The following PALM2AKAP2 variants were observed in gnomAD, a reference collection of about 807,000 sequenced individuals.
The protein encoded by PALM2AKAP2 is PALM2 and AKAP2 fusion, also known as PALM2-AKAP2 fusion protein.
Under a neutral mutation model 71.5 loss-of-function variants are expected in PALM2AKAP2, and 37 were observed. That is an observed-to-expected ratio of 0.52 (90% CI 0.40 to 0.68). PALM2AKAP2 has a LOEUF of 0.68. Ranked by LOEUF, PALM2AKAP2 falls within the 30% of genes least tolerant of loss-of-function variation. The pLI is 0.00. For synonymous variants in PALM2AKAP2, 468 were observed against 478.8 expected, an observed-to-expected ratio of 0.98 and a Z score of 0.29; for missense variants, 1,224 against 1,191.8, an observed-to-expected ratio of 1.03 and a Z score of -0.40.
chr9:110,125,726 C>A (rs1449041523), intron 1 of PALM2AKAP2: 2 of 444,248 alleles, frequency 4.5e-6, no homozygotes, highest in African/African-American at 2.2e-5. Context: ...GGAGTCCTTT[C>A]TTGCTGGAGA....
chr9:109,919,008 T>C (rs796241088), intron 3 of PALM2AKAP2, among the ~76,000 whole-genome samples: 2 of 152,306 alleles, frequency 1.3e-5, no homozygotes, highest in African/African-American at 4.8e-5. Context: ...GGGCACCCCG[T>C]GGAGACAGGC....
At chr9:109,888,850 T>C (rs1250782853) in intron 3 of PALM2AKAP2, among the ~76,000 whole-genome samples, 1 of 152,182 alleles carries the variant, frequency 6.6e-6, no homozygotes, top group Non-Finnish European at 1.5e-5. Flanking sequence ...GTCTTGAGTA[T>C]TGCAAGATGT....
intron 1 of PALM2AKAP2, among the ~76,000 whole-genome samples, chr9:109,730,757 G>A (rs1334785110): frequency 6.6e-6 from 1 of 152,120 alleles, no homozygotes; most frequent in Non-Finnish European, 1.5e-5. Flanking sequence ...CAGGCCAATG[G>A]GATGTGTTGC....
At chr9:109,769,660 G>T (rs749470087) in intron 1 of PALM2AKAP2, among the ~76,000 whole-genome samples, 2 of 152,210 alleles carry the variant, frequency 1.3e-5, no homozygotes, top group Non-Finnish European at 2.9e-5. Flanking sequence ...AATATTGGAG[G>T]ATATTTGTGA....
intron 1 of PALM2AKAP2, among the ~76,000 whole-genome samples, chr9:109,652,117 G>GT (rs1478063439): frequency 6.6e-6 from 1 of 152,172 alleles, no homozygotes; most frequent in Non-Finnish European, 1.5e-5. Flanking sequence ...ATGAAAATGT[G>GT]TGTTTCACAA....
At chr9:109,682,927 G>T (rs556791073) in intron 1 of PALM2AKAP2, among the ~76,000 whole-genome samples, 1 of 152,164 alleles carries the variant, frequency 6.6e-6, no homozygotes, top group South Asian at 2.1e-4. Flanking sequence ...GGTAATTATT[G>T]TAATCCCCAA....
At chr9:109,716,258 T>C (rs1354499873) in intron 1 of PALM2AKAP2, among the ~76,000 whole-genome samples, 1 of 152,206 alleles carries the variant, frequency 6.6e-6, no homozygotes, top group Non-Finnish European at 1.5e-5. Context: ...TATAATATTA[T>C]TGAGGGTCAA....
intron 1 of PALM2AKAP2, among the ~76,000 whole-genome samples, chr9:109,721,998 A>C (rs777349248): frequency 7.2e-5 from 11 of 152,218 alleles, no homozygotes; most frequent in Non-Finnish European, 1.5e-4. Context: ...TTATTAGCCT[A>C]TTCTTTGACC....
intron 3 of PALM2AKAP2, among the ~76,000 whole-genome samples, chr9:109,918,150 A>T (rs954344424): frequency 2.6e-5 from 4 of 152,224 alleles, no homozygotes; most frequent in African/African-American, 9.6e-5. Flanking sequence ...ATGAGCAGAC[A>T]CTGTGTCTGA....
chr9:109,761,715 A>G (rs1026140652), intron 1 of PALM2AKAP2, among the ~76,000 whole-genome samples: 11 of 152,102 alleles, frequency 7.2e-5, no homozygotes, highest in South Asian at 2.1e-4. Flanking sequence ...ATTCTTTTTT[A>G]TGGCTGCATA....
intron 3 of PALM2AKAP2, among the ~76,000 whole-genome samples, chr9:109,899,868 T>A (rs968091930): frequency 6.6e-6 from 1 of 152,238 alleles, no homozygotes; most frequent in Admixed American, 6.5e-5. Flanking sequence ...CCTGGTTTAA[T>A]GTTTCCTGTG....
chr9:109,887,773 A>T (rs1830000164), intron 3 of PALM2AKAP2, among the ~76,000 whole-genome samples: 1 of 152,182 alleles, frequency 6.6e-6, no homozygotes, highest in African/African-American at 2.4e-5. Flanking sequence ...TTTGAACTCA[A>T]CTCTGCCTAA....
chr9:110,082,994 A>G (rs1834482728), intron 1 of PALM2AKAP2, among the ~76,000 whole-genome samples: 1 of 152,106 alleles, frequency 6.6e-6, no homozygotes, highest in South Asian at 2.1e-4. Context: ...ATACAAAATT[A>G]GCCAGGTGTG....
intron 1 of PALM2AKAP2, among the ~76,000 whole-genome samples, chr9:109,658,418 T>G (rs1827339831): frequency 6.6e-6 from 1 of 152,186 alleles, no homozygotes; most frequent in South Asian, 2.1e-4. Context: ...TCCAAAAATC[T>G]TATAAAGATA....
intron 1 of PALM2AKAP2, among the ~76,000 whole-genome samples, chr9:110,135,137 G>A (rs1215422292): frequency 2.0e-4 from 19 of 94,812 alleles, no homozygotes; most frequent in Non-Finnish European, 3.2e-4. Flanking sequence ...GAGACATGGA[G>A]GAACTCTGTC....
In PALM2AKAP2 at chr9:109,915,704, A is replaced by G. The variant is rs141451654; in HGVS notation, c.258-8031A>G. ...GTTCCAAGCACACAGTAAGCACTCA[A>G]TAATCCTAATCCTTATGATTATTAT... On this transcript the variant is annotated intron_variant, in intron 3 of 9. Transcript: ENST00000302798. Among the ~76,000 whole-genome samples the G allele has an allele frequency of 4.6e-3, 698 of 152,300 alleles. 1 individual carries two copies. Among genetic ancestry groups the G allele is most frequent in the African/African-American group, 0.015 (638 of 41,554 alleles).
chr9:109,696,485 G>A (rs1827972360), intron 1 of PALM2AKAP2, among the ~76,000 whole-genome samples: 1 of 152,314 alleles, frequency 6.6e-6, no homozygotes, highest in South Asian at 2.1e-4. Flanking sequence ...AAACTCATAT[G>A]TTTTGGGTCA....
intron 1 of PALM2AKAP2, 117 bp from the exon 2 acceptor site, chr9:109,867,374 C>T (rs1049200000): frequency 3.1e-5 from 36 of 1,171,350 alleles, no homozygotes; most frequent in African/African-American, 3.0e-4. Context: ...CGTGTGTGCC[C>T]GGTGTCTCTG....
chr9:109,899,025 T>G (rs975586550), intron 3 of PALM2AKAP2, among the ~76,000 whole-genome samples: 5 of 152,202 alleles, frequency 3.3e-5, no homozygotes, highest in African/African-American at 7.2e-5. Context: ...CTTTCTTCAC[T>G]TCTCCCATTC....
Sources: allele counts gnomAD v4.1 joint callset (sites outside exome capture counted in the v4.1 genomes callset), GRCh38; gene constraint gnomAD v4.1.1; transcripts MANE v1.5; gene names NCBI Gene and HGNC (gene_info 2026-07-23, HGNC 2026-07-21).